CNTLN: variants seen among roughly 807,000 people sequenced by gnomAD.
CNTLN encodes centlein, centrosomal protein.
A neutral mutation model predicts 180.0 loss-of-function variants in CNTLN; 212 were observed. The ratio of observed to expected loss-of-function variants is 1.18; its 90% CI spans 1.05 to 1.32. CNTLN has a LOEUF of 1.32. Among genes scored for constraint, CNTLN ranks in the 40% most tolerant of loss-of-function variants. CNTLN has a pLI of 0.00. For synonymous variants in CNTLN, 722 were observed against 563.1 expected (o/e 1.28, Z -3.99); for missense variants, 2,095 against 1,610.9 (o/e 1.30, Z -5.14).
intron 12 of CNTLN, among the ~76,000 whole-genome samples, chr9:17,359,374 G>A (rs1823111746): frequency 6.6e-6 from 1 of 151,644 alleles, no homozygotes; most frequent in South Asian, 2.1e-4. Flanking sequence ...TTGATAAATT[G>A]GCCTATGTTA....
At chr9:17,222,965 C>T (rs1294315421) in intron 2 of CNTLN, among the ~76,000 whole-genome samples, 1 of 151,998 alleles carries the variant, frequency 6.6e-6, no homozygotes, top group Admixed American at 6.6e-5. Flanking sequence ...CCCTTATGGT[C>T]TTAAAAATAT....
chr9:17,370,144 A>G (rs1184324943), intron 13 of CNTLN, among the ~76,000 whole-genome samples: 1 of 152,196 alleles, frequency 6.6e-6, no homozygotes, highest in Non-Finnish European at 1.5e-5. Flanking sequence ...AGTTTATTCA[A>G]AGGGAAAATA....
At chr9:17,319,089 G>A (rs986425904) in intron 8 of CNTLN, among the ~76,000 whole-genome samples, 7 of 152,326 alleles carry the variant, frequency 4.6e-5, no homozygotes, top group African/African-American at 1.7e-4. Flanking sequence ...GCATGTTTAT[G>A]GAGAGGAAGG....
chr9:17,513,812 A>G, the CNTLN span, among the ~76,000 whole-genome samples: 1 of 152,228 alleles, frequency 6.6e-6, no homozygotes, highest in Non-Finnish European at 1.5e-5. Context: ...AAAAAAAGAT[A>G]TAACGAAGCT....
intron 2 of CNTLN, among the ~76,000 whole-genome samples, chr9:17,198,461 C>T (rs1587107302): frequency 8.9e-6 from 1 of 112,890 alleles, no homozygotes; most frequent in Admixed American, 9.9e-5. Flanking sequence ...AGAGATCTTT[C>T]ACTTCTTTGG....
intron 13 of CNTLN, among the ~76,000 whole-genome samples, chr9:17,375,557 A>G (rs762908460): frequency 9.2e-5 from 14 of 152,312 alleles, no homozygotes; most frequent in Non-Finnish European, 1.8e-4. Flanking sequence ...ATAAGGATAA[A>G]TGATACTCAT....
intron 12 of CNTLN, among the ~76,000 whole-genome samples, chr9:17,362,127 G>GT (rs1218691132): frequency 6.6e-6 from 1 of 152,202 alleles, no homozygotes. Context: ...GAAACAAGCT[G>GT]TAAGTATAAA....
At chr9:17,191,415 A>G (rs984885042) in intron 2 of CNTLN, among the ~76,000 whole-genome samples, 7 of 152,214 alleles carry the variant, frequency 4.6e-5, no homozygotes, top group African/African-American at 1.7e-4. Flanking sequence ...AACCCTTAGA[A>G]TATTTCACAG....
chr9:17,201,706 T>C (rs1209764770), intron 2 of CNTLN, among the ~76,000 whole-genome samples: 1 of 152,146 alleles, frequency 6.6e-6, no homozygotes, highest in African/African-American at 2.4e-5. Context: ...TTTTATTGTC[T>C]ATTTTATTCT....
chr9:17,444,102 T>A (rs1830267243), intron 18 of CNTLN: 1 of 152,134 alleles, frequency 6.6e-6, no homozygotes, highest in Non-Finnish European at 1.5e-5. Context: ...AATCAAAGGA[T>A]GAACTGTAGA....
At chr9:17,265,766 G>T (rs1827379498) in intron 5 of CNTLN, among the ~76,000 whole-genome samples, 1 of 152,102 alleles carries the variant, frequency 6.6e-6, no homozygotes, top group Non-Finnish European at 1.5e-5. Context: ...TTTAGTCTTG[G>T]GAGAGTGTAT....
intron 12 of CNTLN, among the ~76,000 whole-genome samples, chr9:17,353,880 T>A (rs1029666174): frequency 3.3e-5 from 5 of 152,166 alleles, no homozygotes; most frequent in Non-Finnish European, 7.4e-5. Flanking sequence ...TGGGAGCCCC[T>A]TTCTGGGCTG....
chr9:17,402,220 C>T (rs2133790741), intron 15 of CNTLN, among the ~76,000 whole-genome samples: 1 of 151,774 alleles, frequency 6.6e-6, no homozygotes, highest in South Asian at 2.1e-4. Context: ...TCCACAAATC[C>T]CCCATCAAAA....
rs1205949442 is a variant in CNTLN, at chr9:17,312,349, ATATATATATATATAT to A, written c.1341+3113_1341+3127del. The stretch of plus-strand genomic sequence containing the variant: ...CTCGATAAGATTACTGTATTTATAT[ATATATATATATATAT>A]TATATATATATATATATATAATTTA... On this transcript the variant is annotated intron_variant, in intron 8 of 25. Transcript: ENST00000380647. Among the ~76,000 whole-genome samples the A allele has an allele frequency of 2.6e-3, 38 of 14,556 alleles. 1 individual carries two copies. Among genetic ancestry groups the A allele is most frequent in the Non-Finnish European group, 4.9e-3 (23 of 4,666 alleles). The allele number at this position is 14,556 out of a possible 152,430, so 9.5% of individuals were successfully genotyped here.
At chr9:17,313,499 T>G (rs1386584536) in intron 8 of CNTLN, among the ~76,000 whole-genome samples, 1 of 152,178 alleles carries the variant, frequency 6.6e-6, no homozygotes, top group African/African-American at 2.4e-5. Flanking sequence ...CTCATTTCAT[T>G]ATTCACTTAA....
the CNTLN span, among the ~76,000 whole-genome samples, chr9:17,522,731 T>TA: frequency 8.6e-5 from 13 of 151,996 alleles, no homozygotes; most frequent in South Asian, 2.1e-4. Flanking sequence ...GAGACTAAAC[T>TA]AAAAAAAACC....
intron 2 of CNTLN, chr9:17,167,263 G>T (rs1820133730): frequency 6.4e-6 from 1 of 157,244 alleles, no homozygotes; most frequent in African/African-American, 2.4e-5. Flanking sequence ...ATTGTAAGGG[G>T]TATGTGTAAG....
chr9:17,443,807 G>C (rs1018775024), intron 18 of CNTLN, among the ~76,000 whole-genome samples: 11 of 152,164 alleles, frequency 7.2e-5, no homozygotes, highest in African/African-American at 2.7e-4. Flanking sequence ...GTTTGGGGGA[G>C]TTATCTGCTA....
intron 18 of CNTLN, among the ~76,000 whole-genome samples, chr9:17,428,837 G>T (rs1482109100): frequency 3.3e-5 from 5 of 151,716 alleles, no homozygotes; most frequent in Admixed American, 2.6e-4. Flanking sequence ...AAGTTATTTT[G>T]GTGTTCTAAA....
Sources: gnomAD v4.1 joint callset for allele counts (sites outside exome capture counted in the v4.1 genomes callset) on GRCh38, gnomAD v4.1.1 for gene constraint, MANE v1.5 for transcripts, NCBI Gene and HGNC (gene_info 2026-07-23, HGNC 2026-07-21) for gene names.